ZNF608: variants seen among roughly 807,000 people sequenced by gnomAD.
ZNF608 encodes zinc finger protein 608.
ZNF608 carries 12 observed loss-of-function variants against 109.0 expected under a neutral mutation model. The observed-to-expected ratio is 0.11, with a 90% CI of 0.07 to 0.18. The LOEUF (loss-of-function observed/expected upper bound fraction) is 0.18. Among genes scored for constraint, ZNF608 ranks in the 10% least tolerant of loss-of-function variants. ZNF608 has a pLI of 1.00. For missense variants in ZNF608, 1,707 were observed against 1,879.3 expected (o/e 0.91, Z 1.70); for synonymous variants, 732 against 717.4 (o/e 1.02, Z -0.33).
chr5:124,646,874 C>A lies in ZNF608; in HGVS notation c.3510G>T (p.Gly1170=), dbSNP rs757019912. ...CCTCAGTTTTATTAGGCACTGATGG[C>A]CCTAGTTTAGAATGGTTTTTGTTAG... is the stretch of plus-strand genomic sequence containing the variant. The part of the protein sequence containing the change: ...PEPNKNHSKL[G]PSVPNKTEET... Residue 1170 remains glycine (G), a synonymous_variant, in exon 5 of 10, where the codon GGG becomes GGT. Transcript: ENST00000513986. The A allele has an allele frequency of 6.2e-7, 1 of 1,614,208 alleles. No homozygotes were observed. The highest frequency in any genetic ancestry group is 8.5e-7 in the Non-Finnish European group (1 of 1,180,038).
At chr5:124,702,176 A>G (rs562785816) in intron 2 of ZNF608, among the ~76,000 whole-genome samples, 1 of 152,330 alleles carries the variant, frequency 6.6e-6, no homozygotes, top group South Asian at 2.1e-4. Flanking sequence ...TAAACAGTAC[A>G]TTCATTTGGC....
intron 3 of ZNF608, among the ~76,000 whole-genome samples, chr5:124,687,410 C>T (rs1285514905): frequency 6.6e-6 from 1 of 152,130 alleles, no homozygotes; most frequent in East Asian, 1.9e-4. Flanking sequence ...TTCTGACACC[C>T]AAGGACTCAA....
intron 3 of ZNF608, among the ~76,000 whole-genome samples, chr5:124,675,925 A>G (rs966379531): frequency 1.3e-5 from 2 of 152,182 alleles, no homozygotes; most frequent in Non-Finnish European, 2.9e-5. Flanking sequence ...GAGAGAGACT[A>G]TTTTGGAAAA....
rs1249224285 is a variant in ZNF608, at chr5:124,644,559, T to C, written c.3808A>G (p.Ser1270Gly). Residue 1270 changes from serine to glycine, a missense_variant, in exon 6 of 10, where the codon AGT becomes GGT. Coordinates refer to ENST00000513986, the MANE Select transcript of ZNF608 (RefSeq NM_020747.3). ...TCTTTATTAGGAGTTTTCCTCGGAC[T>C]ATCCTCTTTTAATTTCTTCTCTCTA... ...LDREKKLKED[S>G]PRKTPNKESG... 4 of 1,614,020 alleles carry C rather than the reference T, an allele frequency of 2.5e-6. No homozygotes were observed. Among genetic ancestry groups the C allele is most frequent in the Non-Finnish European group, 3.4e-6 (4 of 1,180,018 alleles).
intron 2 of ZNF608, among the ~76,000 whole-genome samples, chr5:124,717,737 T>C (rs1201697156): frequency 6.6e-6 from 1 of 152,164 alleles, no homozygotes; most frequent in Non-Finnish European, 1.5e-5. Flanking sequence ...CAGGAGTTTG[T>C]AGCCAATAAA....
At chr5:124,667,777 C>A (rs75503341) in intron 3 of ZNF608, among the ~76,000 whole-genome samples, 2,892 of 152,270 alleles carry the variant, frequency 0.019, 89 homozygotes, top group African/African-American at 0.067. Flanking sequence ...CTCTATCGTA[C>A]AACCGAGGTA....
At chr5:124,727,733 CT>C (rs1182383879) in intron 2 of ZNF608, among the ~76,000 whole-genome samples, 26,937 of 77,868 alleles carry the variant, frequency 0.35, 5,100 homozygotes, top group African/African-American at 0.49. Context: ...TCCAGGTATC[CT>C]TTTTTTTTTT....
intron 7 of ZNF608, among the ~76,000 whole-genome samples, chr5:124,642,692 C>CTTTTTTTTTTT (rs755561532): frequency 1.0e-5 from 1 of 95,292 alleles, no homozygotes; most frequent in Non-Finnish European, 1.9e-5. Context: ...TTTCTATTGT[C>CTTTTTTTTTTT]TTTTTTTTTT....
intron 2 of ZNF608, among the ~76,000 whole-genome samples, chr5:124,739,897 T>C (rs1749309722): frequency 6.6e-6 from 1 of 152,184 alleles, no homozygotes; most frequent in South Asian, 2.1e-4. Flanking sequence ...AGATTTCTGC[T>C]TAGCACTTTC....
intron 3 of ZNF608, among the ~76,000 whole-genome samples, chr5:124,685,070 T>C (rs1461283457): frequency 3.9e-5 from 6 of 152,256 alleles, no homozygotes; most frequent in Admixed American, 3.9e-4. Flanking sequence ...AATGCACTTT[T>C]TGCTTAGTTG....
intron 3 of ZNF608, among the ~76,000 whole-genome samples, chr5:124,695,250 C>A (rs746239309): frequency 1.6e-4 from 24 of 152,142 alleles, no homozygotes; most frequent in Non-Finnish European, 3.1e-4. Context: ...CTATGATATA[C>A]CTCAATAAAT....
intron 2 of ZNF608, among the ~76,000 whole-genome samples, chr5:124,737,643 G>T (rs574442433): frequency 6.6e-6 from 1 of 152,260 alleles, no homozygotes; most frequent in South Asian, 2.1e-4. Flanking sequence ...GATCATTTCA[G>T]TTCTTAAGGC....
In ZNF608 at chr5:124,746,347, C is replaced by A; in HGVS notation, c.-336G>T. The stretch of plus-strand genomic sequence containing the variant: ...ACACATCTCAGCCAGAATAATCACT[C>A]GATAACATTATTCCACCTCCCCACC... On this transcript the variant is annotated 5_prime_UTR_variant, in exon 1 of 10. Transcript: ENST00000513986. 4 of 985,234 alleles carry A rather than the reference C, an allele frequency of 4.1e-6. No homozygotes were observed. Among genetic ancestry groups the A allele is most frequent in the Non-Finnish European group, 4.8e-6 (4 of 829,890 alleles). 61.0% of individuals were successfully genotyped at this position (985,234 alleles called of 1,614,324 possible). A position where few individuals can be genotyped will look rare whatever the true frequency, so the allele number is the denominator to read the frequency against.
chr5:124,742,550 C>T (rs1217840856), intron 2 of ZNF608, among the ~76,000 whole-genome samples: 6 of 152,078 alleles, frequency 3.9e-5, no homozygotes, highest in Non-Finnish European at 8.8e-5. Context: ...CACCTTTTAG[C>T]GGAAATAATG....
rs762037996 is a variant in ZNF608 at position 124,648,262 on chromosome 5, T to C, written c.2122A>G (p.Lys708Glu). 6.2e-7 allele frequency: 1 copy of C among 1,614,218 alleles called. No individual in the cohort carries two copies. Among genetic ancestry groups the C allele is most frequent in the Non-Finnish European group, 8.5e-7 (1 of 1,180,046 alleles). ...TTTTCTTTATCTCCTAAATTTTTCT[T>C]GTCAATTAATCCTTCTGCTTCCAGT... ...PKLEAEGLID[K>E]KNLGDKEKGK... The change falls in exon 5 of 10, where the codon AAG becomes GAG. Residue 708 changes from lysine to glutamate, a missense_variant. Lys to Glu is a moderately conservative substitution (Grantham distance 56). This residue lies in a region of ZNF608 where 1,073 missense variants were observed against 1,133.5 expected (regional missense o/e 0.95). Transcript: ENST00000513986.
chr5:124,701,396 A>G, intron 2 of ZNF608, 127 bp from the exon 3 acceptor site: 3 of 1,282,400 alleles, frequency 2.3e-6, no homozygotes, highest in South Asian at 2.9e-5. Context: ...ATATGCTTTG[A>G]GTGTTTTAAT....
intron 8 of ZNF608, among the ~76,000 whole-genome samples, chr5:124,640,899 G>C (rs1750206868): frequency 6.6e-6 from 1 of 152,116 alleles, no homozygotes; most frequent in Non-Finnish European, 1.5e-5. Flanking sequence ...TTTCACCAAA[G>C]CTTCCCACCA....
chr5:124,670,136 T>C (rs1441663624), intron 3 of ZNF608, among the ~76,000 whole-genome samples: 1 of 152,186 alleles, frequency 6.6e-6, no homozygotes. Flanking sequence ...CCACCCACAC[T>C]AATCTCTTCT....
chr5:124,658,711 C>T (rs866937528), intron 3 of ZNF608, among the ~76,000 whole-genome samples: 9 of 152,236 alleles, frequency 5.9e-5, no homozygotes, highest in Middle Eastern at 3.4e-3. Context: ...TTCTCTTCCT[C>T]CTCCCTCTCT....
Sources: gnomAD v4.1 joint callset for allele counts (sites outside exome capture counted in the v4.1 genomes callset) on GRCh38, gnomAD v4.1.1 for gene constraint, gnomAD v4.1.1 regional missense constraint, MANE v1.5 for transcripts, NCBI Gene and HGNC (gene_info 2026-07-23, HGNC 2026-07-21) for gene names.